CAPS2: variants seen among roughly 807,000 people sequenced by gnomAD.
CAPS2 encodes the protein calcyphosin-2.
A neutral mutation model predicts 86.5 loss-of-function variants in CAPS2; 98 were observed. That is an observed-to-expected ratio of 1.13 (90% confidence interval 0.96 to 1.34). The LOEUF (loss-of-function observed/expected upper bound fraction) is 1.34. Ranked by LOEUF, CAPS2 falls within the 40% of genes most tolerant of loss-of-function variation. CAPS2 has a pLI of 0.00. For missense variants in CAPS2, 729 were observed against 686.8 expected (o/e 1.06, Z -0.69); for synonymous variants, 210 against 225.1 (o/e 0.93, Z 0.60).
intron 16 of CAPS2, among the ~76,000 whole-genome samples, chr12:75,281,641 T>C (rs2033967505): frequency 6.6e-6 from 1 of 152,070 alleles, no homozygotes; most frequent in African/African-American, 2.4e-5. Flanking sequence ...AATATATATA[T>C]GCTAAATGAT....
At chr12:75,366,503 T>A (rs2043970875) in intron 1 of CAPS2, among the ~76,000 whole-genome samples, 1 of 152,166 alleles carries the variant, frequency 6.6e-6, no homozygotes, top group South Asian at 2.1e-4. Context: ...AATATGTAAC[T>A]AGTTTGGGTA....
chr12:75,289,668 C>G (rs1242080836), exon 14 of CAPS2: 1 of 1,613,382 alleles, frequency 6.2e-7, no homozygotes, highest in African/African-American at 1.3e-5. Flanking sequence ...TGCTTAAAAT[C>G]TGCCTTATCT....
intron 8 of CAPS2, among the ~76,000 whole-genome samples, chr12:75,302,654 A>G (rs1482512721): frequency 1.3e-5 from 2 of 152,256 alleles, no homozygotes; most frequent in East Asian, 3.8e-4. Context: ...ATAGTTGAAA[A>G]AGGATTCATT....
At chr12:75,357,602 C>T (rs1244650914) in intron 1 of CAPS2, among the ~76,000 whole-genome samples, 1 of 151,950 alleles carries the variant, frequency 6.6e-6, no homozygotes, top group Non-Finnish European at 1.5e-5. Flanking sequence ...AGACCACATG[C>T]TATGTCATAA....
intron 1 of CAPS2, among the ~76,000 whole-genome samples, chr12:75,362,654 A>G (rs984229182): frequency 6.6e-6 from 1 of 152,192 alleles, no homozygotes; most frequent in Non-Finnish European, 1.5e-5. Flanking sequence ...GACTTATACT[A>G]TTAAAAATCA....
At chr12:75,334,648 G>T, upstream of CAPS2, 1 of 1,548,528 alleles carries the variant, frequency 6.5e-7, no homozygotes, top group Admixed American at 1.9e-5. Context: ...AGCGTGGTGC[G>T]GGGGCGTGGG....
chr12:75,334,685 G>T, upstream of CAPS2: 1 of 1,587,672 alleles, frequency 6.3e-7, no homozygotes, highest in East Asian at 2.2e-5. Flanking sequence ...AGCCGTTACT[G>T]GTCCGCGCAG....
chr12:75,333,317 T>A (rs1409490699), upstream of CAPS2, among the ~76,000 whole-genome samples: 1 of 152,190 alleles, frequency 6.6e-6, no homozygotes, highest in Non-Finnish European at 1.5e-5. Context: ...TATAAATGTA[T>A]GTGTGTATAT....
chr12:75,333,899 A>G (rs186769853), upstream of CAPS2: 27 of 152,344 alleles, frequency 1.8e-4, no homozygotes, highest in African/African-American at 6.0e-4. Flanking sequence ...TAACTGATGT[A>G]ATGAATTTAA....
At chr12:75,284,145 T>C (rs542832285) in intron 15 of CAPS2, among the ~76,000 whole-genome samples, 66 of 152,294 alleles carry the variant, frequency 4.3e-4, no homozygotes, top group African/African-American at 1.6e-3. Flanking sequence ...CTCAAACCTA[T>C]CACCAGGAAG....
In CAPS2 at chr12:75,324,173, T is replaced by C. The variant is rs187908605; in HGVS notation, c.132-951A>G. ...CAGCCAAGAAATCACTCATGTCACTTTTTAAAGTAAATAAAAATATTAACC... is the reference window on the plus strand; with the variant it reads ...CAGCCAAGAAATCACTCATGTCACTCTTTAAAGTAAATAAAAATATTAACC... On this transcript the variant is annotated intron_variant, in intron 2 of 16. Coordinates refer to ENST00000393284, the Ensembl canonical transcript of CAPS2. 4.6e-5 allele frequency among the ~76,000 whole-genome samples: 7 copies of C among 152,310 alleles called. No homozygotes were observed. In the East Asian group the frequency reaches 1.4e-3, roughly 29 times the overall value.
chr12:75,309,197 G>C (rs991033880), intron 7 of CAPS2, among the ~76,000 whole-genome samples: 8 of 152,226 alleles, frequency 5.3e-5, no homozygotes, highest in Admixed American at 2.6e-4. Flanking sequence ...TCCTTGGGAA[G>C]AGAAGAAAAC....
intron 5 of CAPS2, among the ~76,000 whole-genome samples, chr12:75,316,790 T>C (rs1261748611): frequency 6.6e-6 from 1 of 152,190 alleles, no homozygotes; most frequent in Non-Finnish European, 1.5e-5. Flanking sequence ...TTGTCCAATT[T>C]GAATCTTTGA....
intron 1 of CAPS2, among the ~76,000 whole-genome samples, chr12:75,387,946 C>G (rs2045375997): frequency 6.6e-6 from 1 of 152,204 alleles, no homozygotes; most frequent in Non-Finnish European, 1.5e-5. Flanking sequence ...GAGTTGAAAA[C>G]TTATGTCTAC....
chr12:75,296,266 G>C (rs2036856320), intron 11 of CAPS2, among the ~76,000 whole-genome samples: 1 of 151,936 alleles, frequency 6.6e-6, no homozygotes, highest in Non-Finnish European at 1.5e-5. Flanking sequence ...GCATATATGC[G>C]TGCATATGAG....
chr12:75,313,140 TA>T (rs1409620665), intron 6 of CAPS2, among the ~76,000 whole-genome samples: 1 of 152,208 alleles, frequency 6.6e-6, no homozygotes, highest in Non-Finnish European at 1.5e-5. Context: ...ATAATACACT[TA>T]AATTTCAGTA....
upstream of CAPS2, chr12:75,334,835 A>G: frequency 3.7e-6 from 6 of 1,614,034 alleles, no homozygotes; most frequent in Non-Finnish European, 5.1e-6. Flanking sequence ...TTTATAGACA[A>G]CTGCATAGAA....
At chr12:75,340,422 A>G (rs1476947728) in intron 1 of CAPS2, among the ~76,000 whole-genome samples, 1 of 151,746 alleles carries the variant, frequency 6.6e-6, no homozygotes, top group Non-Finnish European at 1.5e-5. Flanking sequence ...CTTTGACCTA[A>G]AGAGCAAAAA....
intron 1 of CAPS2, chr12:75,390,727 G>C: frequency 2.1e-6 from 1 of 470,180 alleles, no homozygotes; most frequent in Non-Finnish European, 4.4e-6. Flanking sequence ...TCAGCAATTG[G>C]CATTTACCAT....
Sources: gnomAD v4.1 joint callset for allele counts (sites outside exome capture counted in the v4.1 genomes callset) on GRCh38, gnomAD v4.1.1 for gene constraint, MANE v1.5 for transcripts, NCBI Gene and HGNC (gene_info 2026-07-23, HGNC 2026-07-21) for gene names.